TMEM232: variants seen among roughly 807,000 people sequenced by gnomAD.
TMEM232 encodes the protein transmembrane protein 232.
TMEM232 carries 80 observed loss-of-function variants against 78.8 expected under a neutral mutation model. The ratio of observed to expected loss-of-function variants is 1.01; its 90% CI spans 0.85 to 1.22. The LOEUF is 1.22. Ranked by LOEUF, TMEM232 falls within the 50% of genes most tolerant of loss-of-function variation. TMEM232 has a pLI of 0.00. For synonymous variants in TMEM232, 297 were observed against 254.3 expected (o/e 1.17, Z -1.60); for missense variants, 881 against 742.2 (o/e 1.19, Z -2.17).
intron 12 of TMEM232, among the ~76,000 whole-genome samples, chr5:110,476,275 A>G (rs1763242271): frequency 6.6e-6 from 1 of 151,994 alleles, no homozygotes; most frequent in South Asian, 2.1e-4. Flanking sequence ...ATGGGGTCTC[A>G]TCCAACTTGA....
At chr5:110,586,451 A>C (rs1333537145) in intron 10 of TMEM232, among the ~76,000 whole-genome samples, 20 of 152,028 alleles carry the variant, frequency 1.3e-4, no homozygotes, top group Non-Finnish European at 5.9e-5. Context: ...CTTAATAATC[A>C]CTTTTAAAAA....
chr5:110,528,677 C>A lies in TMEM232; in HGVS notation c.1614G>T (p.Leu538Phe). The change falls in exon 12 of 14, where the codon TTG (leucine) becomes TTT (phenylalanine). Residue 538 changes from leucine (L) to phenylalanine (F), a missense_variant. Coordinates refer to ENST00000455884, the MANE Select transcript of TMEM232 (RefSeq NM_001039763.4). ...GATCCTTTTTTATTGATGGTTTCTTCAAAGGAAGAAAATGGGCCTCAATGG... is the reference window on the plus strand; with the variant it reads ...GATCCTTTTTTATTGATGGTTTCTTAAAAGGAAGAAAATGGGCCTCAATGG... Reference protein sequence around the residue: ...FPPIEAHFLPLKKPSIKKDQT... With the variant: ...FPPIEAHFLPFKKPSIKKDQT... 6.5e-7 allele frequency: 1 copy of A among 1,534,868 alleles called. No homozygotes were observed. Among genetic ancestry groups the A allele is most frequent in the Non-Finnish European group, 8.7e-7 (1 of 1,146,334 alleles).
intron 12 of TMEM232, among the ~76,000 whole-genome samples, chr5:110,491,130 C>A (rs569502192): frequency 2.0e-5 from 3 of 148,654 alleles, no homozygotes; most frequent in Admixed American, 6.6e-5. Flanking sequence ...TCAGTGATAA[C>A]AGACAACTAA....
intron 1 of TMEM232, among the ~76,000 whole-genome samples, chr5:110,711,812 G>A (rs1796510329): frequency 6.6e-6 from 1 of 152,050 alleles, no homozygotes; most frequent in Non-Finnish European, 1.5e-5. Context: ...TTACATTTAA[G>A]AATCAAACTC....
At chr5:110,557,345 C>A (rs1775217761) in intron 11 of TMEM232, among the ~76,000 whole-genome samples, 2 of 152,162 alleles carry the variant, frequency 1.3e-5, no homozygotes, top group South Asian at 2.1e-4. Context: ...ATCTCCTTGG[C>A]CATTCAGATT....
chr5:110,580,131 A>G (rs370962327), intron 10 of TMEM232, among the ~76,000 whole-genome samples: 9 of 151,766 alleles, frequency 5.9e-5, no homozygotes, highest in East Asian at 3.9e-4. Context: ...TTATAAATAT[A>G]TATGCAACCA....
chr5:110,582,510 G>A (rs1031353664), intron 10 of TMEM232, among the ~76,000 whole-genome samples: 1 of 151,926 alleles, frequency 6.6e-6, no homozygotes, highest in African/African-American at 2.4e-5. Flanking sequence ...ACTACTAGAG[G>A]TGGAAACGAG....
upstream of TMEM232, chr5:110,738,779 C>T: frequency 5.3e-6 from 2 of 376,064 alleles, no homozygotes; most frequent in Admixed American, 4.9e-5. Flanking sequence ...TTGAACTCCT[C>T]CCATGCAGGC....
At chr5:110,710,426 G>C (rs747418638) in intron 1 of TMEM232, among the ~76,000 whole-genome samples, 24 of 151,892 alleles carry the variant, frequency 1.6e-4, no homozygotes, top group Non-Finnish European at 2.9e-4. Context: ...AGCAAAATCA[G>C]ACAAAGACAT....
At chr5:110,606,469 C>A (rs1028746033) in intron 8 of TMEM232, among the ~76,000 whole-genome samples, 182 bp from the exon 9 acceptor site, 12 of 152,030 alleles carry the variant, frequency 7.9e-5, no homozygotes, top group African/African-American at 2.9e-4. Flanking sequence ...AGAAGAGACA[C>A]ATTTTGGTAA....
intron 1 of TMEM232, 195 bp from the exon 2 acceptor site, chr5:110,667,559 T>A (rs1267928776): frequency 2.8e-6 from 1 of 359,122 alleles, no homozygotes; most frequent in Non-Finnish European, 4.9e-6. Flanking sequence ...AAGTTACTAT[T>A]ATAAGTATAT....
intron 1 of TMEM232, among the ~76,000 whole-genome samples, chr5:110,677,257 GAGTT>G (rs1792144328): frequency 6.7e-6 from 1 of 149,088 alleles, no homozygotes; most frequent in Non-Finnish European, 1.5e-5. Context: ...TTTTTCTATT[GAGTT>G]GTTTGAGTCC....
At chr5:110,444,866 G>A (rs555104378) in intron 12 of TMEM232, among the ~76,000 whole-genome samples, 3 of 152,150 alleles carry the variant, frequency 2.0e-5, no homozygotes, top group South Asian at 4.2e-4. Context: ...TAATGTAGAT[G>A]TCTGGACTAT....
chr5:110,597,540 G>T (rs2149795986), intron 10 of TMEM232, among the ~76,000 whole-genome samples: 1 of 151,838 alleles, frequency 6.6e-6, no homozygotes, highest in East Asian at 1.9e-4. Flanking sequence ...AACCAAAAAA[G>T]AGCCCGCATC....
intron 12 of TMEM232, among the ~76,000 whole-genome samples, chr5:110,499,317 G>C (rs73220783): frequency 0.044 from 6,702 of 152,162 alleles, 485 homozygotes; most frequent in African/African-American, 0.15. Context: ...CTTTGAGATA[G>C]AGTCTCATTC....
intron 2 of TMEM232, among the ~76,000 whole-genome samples, chr5:110,412,438 C>A (rs1215261251): frequency 1.3e-5 from 2 of 152,118 alleles, no homozygotes; most frequent in South Asian, 4.1e-4. Context: ...CTCCATCATG[C>A]CTCTATTTCA....
intron 12 of TMEM232, 93 bp from the exon 13 acceptor site, chr5:110,425,009 A>C (rs1282857519): frequency 2.2e-6 from 2 of 920,776 alleles, no homozygotes; most frequent in African/African-American, 3.4e-5. Flanking sequence ...TTTATTATTA[A>C]GCATTTTGAT....
In TMEM232 at chr5:110,481,788, T is replaced by A. The variant is rs1435840758; in HGVS notation, c.1703+46800A>T. 3.3e-5 allele frequency among the ~76,000 whole-genome samples: 5 copies of A among 152,260 alleles called. No homozygotes were observed. The South Asian group carries it at 6.2e-4, about 19-fold the overall frequency. ...GGTCTTTTACATCCAGGTTCTTCTA[T>A]CATTCTATCCACCAAATACTGCTAA... On this transcript the variant is annotated intron_variant, in intron 12 of 13. Coordinates refer to ENST00000455884, the MANE Select transcript of TMEM232 (RefSeq NM_001039763.4).
chr5:110,469,382 C>A (rs79367581), intron 12 of TMEM232, among the ~76,000 whole-genome samples: 61 of 152,278 alleles, frequency 4.0e-4, no homozygotes, highest in African/African-American at 1.4e-3. Context: ...CTACCAAATG[C>A]GGCCAAGCAC....
Sources: gnomAD v4.1 joint callset for allele counts (sites outside exome capture counted in the v4.1 genomes callset) on GRCh38, gnomAD v4.1.1 for gene constraint, MANE v1.5 for transcripts, NCBI Gene and HGNC (gene_info 2026-07-23, HGNC 2026-07-21) for gene names.